ADAMTS3: variants seen among roughly 807,000 people sequenced by gnomAD.
The protein encoded by ADAMTS3 is ADAM metallopeptidase with thrombospondin type 1 motif 3.
A neutral mutation model predicts 129.0 loss-of-function variants in ADAMTS3; 73 were observed. The observed-to-expected ratio is 0.57, with a 90% CI of 0.47 to 0.69. The LOEUF is 0.69. ADAMTS3 is among the 30% of genes least tolerant of loss of function. The pLI is 0.00. For missense variants in ADAMTS3, 1,457 were observed against 1,514.5 expected, an observed-to-expected ratio of 0.96 and a Z score of 0.63; for synonymous variants, 477 against 510.8, an observed-to-expected ratio of 0.93 and a Z score of 0.89.
chr4:72,563,244 G>T (rs1721947079), intron 2 of ADAMTS3, among the ~76,000 whole-genome samples: 2 of 152,158 alleles, frequency 1.3e-5, no homozygotes, highest in African/African-American at 4.8e-5. Flanking sequence ...TCTTGAAGCA[G>T]TTAACATTCA....
chr4:72,368,919 A>G (rs1367486501), intron 4 of ADAMTS3, among the ~76,000 whole-genome samples: 1 of 152,202 alleles, frequency 6.6e-6, no homozygotes, highest in African/African-American at 2.4e-5. Context: ...ACTGAAGCTA[A>G]AACTTGATAG....
chr4:72,300,514 T>A (rs897191776), intron 17 of ADAMTS3, among the ~76,000 whole-genome samples: 13 of 152,170 alleles, frequency 8.5e-5, no homozygotes, highest in African/African-American at 3.1e-4. Context: ...TTGATTAACA[T>A]ATATTTTATT....
intron 3 of ADAMTS3, among the ~76,000 whole-genome samples, chr4:72,519,984 C>G (rs1438798282): frequency 6.6e-6 from 1 of 151,906 alleles, no homozygotes; most frequent in African/African-American, 2.4e-5. Context: ...TACTTTTGGT[C>G]TTTGATGATG....
intron 3 of ADAMTS3, among the ~76,000 whole-genome samples, chr4:72,541,197 T>G (rs754448395): frequency 1.3e-4 from 20 of 152,188 alleles, no homozygotes; most frequent in Admixed American, 3.3e-4. Context: ...ATGTGAGACC[T>G]GGAGTCAAAG....
At chr4:72,462,712 T>C (rs1718804705) in intron 3 of ADAMTS3, among the ~76,000 whole-genome samples, 1 of 151,918 alleles carries the variant, frequency 6.6e-6, no homozygotes, top group Non-Finnish European at 1.5e-5. Context: ...AGTTTAAACA[T>C]GTTTTAAATT....
Position 72,548,720 on chromosome 4 carries a change from C to G in ADAMTS3, c.262G>C (p.Gly88Arg), listed in dbSNP as rs769748129. 1 of 1,613,992 alleles carries G rather than the reference C, an allele frequency of 6.2e-7. No homozygotes were observed. The highest frequency in any genetic ancestry group is 8.5e-7 in the Non-Finnish European group (1 of 1,179,942). Residue 88 changes from glycine to arginine, a missense_variant, in exon 3 of 22, where the codon GGA (glycine) becomes CGA (arginine). By Grantham distance (125) the Gly-to-Arg change is moderately radical. Transcript: ENST00000286657. ...TTTAGTCGCAGATGAAAATCTTTTC[C>G]AAATGCCGTGATGTTAAAGAACAAC... ...EQLFFNITAF[G>R]KDFHLRLKPN...
chr4:72,414,354 GT>G (rs1231191638), intron 4 of ADAMTS3, among the ~76,000 whole-genome samples: 3 of 145,594 alleles, frequency 2.1e-5, no homozygotes, highest in African/African-American at 7.5e-5. Flanking sequence ...TCTAGTAAAA[GT>G]TTTGCCAAAT....
intron 3 of ADAMTS3, among the ~76,000 whole-genome samples, chr4:72,502,914 G>GT (rs1720061913): frequency 6.6e-6 from 1 of 152,012 alleles, no homozygotes; most frequent in African/African-American, 2.4e-5. Context: ...GTTCCCCTCG[G>GT]TAAGTGTTTG....
chr4:72,455,458 G>C (rs370620198), intron 3 of ADAMTS3, among the ~76,000 whole-genome samples: 2 of 151,054 alleles, frequency 1.3e-5, no homozygotes, highest in South Asian at 2.1e-4. Context: ...GGAACATCAC[G>C]CACCAGGGCC....
At chr4:72,426,091 T>C (rs1419032899) in intron 3 of ADAMTS3, among the ~76,000 whole-genome samples, 2 of 152,228 alleles carry the variant, frequency 1.3e-5, no homozygotes, top group Non-Finnish European at 2.9e-5. Flanking sequence ...CCAGTGATGA[T>C]GAGCATTTAT....
At chr4:72,447,162 T>C (rs1017886028) in intron 3 of ADAMTS3, among the ~76,000 whole-genome samples, 1 of 151,738 alleles carries the variant, frequency 6.6e-6, no homozygotes, top group Non-Finnish European at 1.5e-5. Context: ...TTGCAGATTA[T>C]ACAAGGGCTC....
chr4:72,346,731 G>C (rs545073339), intron 4 of ADAMTS3, among the ~76,000 whole-genome samples: 1 of 152,152 alleles, frequency 6.6e-6, no homozygotes, highest in Non-Finnish European at 1.5e-5. Flanking sequence ...CGTTGTTATA[G>C]CTGAGATTCA....
At chr4:72,397,291 C>A (rs529416531) in intron 4 of ADAMTS3, among the ~76,000 whole-genome samples, 1 of 152,084 alleles carries the variant, frequency 6.6e-6, no homozygotes, top group African/African-American at 2.4e-5. Flanking sequence ...ATCAGCCGGG[C>A]GCAGTGGCTC....
intron 3 of ADAMTS3, among the ~76,000 whole-genome samples, chr4:72,507,230 T>C (rs938256269): frequency 6.6e-6 from 1 of 152,178 alleles, no homozygotes; most frequent in Non-Finnish European, 1.5e-5. Flanking sequence ...GTCCATTATA[T>C]ATGCCTGCCC....
At chr4:72,437,002 T>C (rs1279287866) in intron 3 of ADAMTS3, among the ~76,000 whole-genome samples, 2 of 151,822 alleles carry the variant, frequency 1.3e-5, no homozygotes, top group African/African-American at 2.4e-5. Context: ...ACTTAAAATA[T>C]AATAATAATA....
At chr4:72,455,890 TTA>T (rs1491159859) in intron 3 of ADAMTS3, among the ~76,000 whole-genome samples, 10 of 120,332 alleles carry the variant, frequency 8.3e-5, no homozygotes, top group Admixed American at 3.0e-4. Flanking sequence ...TATATATATT[TTA>T]TATATAGTAT....
chr4:72,343,642 C>G (rs560788971), intron 4 of ADAMTS3, among the ~76,000 whole-genome samples: 1 of 152,220 alleles, frequency 6.6e-6, no homozygotes, highest in East Asian at 1.9e-4. Context: ...TTCAATGGTG[C>G]TAGCTGAGTT....
chr4:72,414,507 T>C (rs919800437), intron 4 of ADAMTS3, among the ~76,000 whole-genome samples: 3 of 152,018 alleles, frequency 2.0e-5, no homozygotes, highest in South Asian at 4.1e-4. Flanking sequence ...AAGATACTTC[T>C]GTAAAATACA....
chr4:72,556,502 A>C (rs1721771314), intron 2 of ADAMTS3, among the ~76,000 whole-genome samples: 1 of 151,732 alleles, frequency 6.6e-6, no homozygotes, highest in South Asian at 2.1e-4. Flanking sequence ...CTTATATGTC[A>C]CACAAATTTT....
Sources: allele counts gnomAD v4.1 joint callset (sites outside exome capture counted in the v4.1 genomes callset), GRCh38; gene constraint gnomAD v4.1.1; transcripts MANE v1.5; gene names NCBI Gene and HGNC (gene_info 2026-07-23, HGNC 2026-07-21).